CNTNAP2: variants seen among roughly 807,000 people sequenced by gnomAD.
CNTNAP2 encodes contactin-associated protein-like 2.
In CNTNAP2, 98 loss-of-function variants were observed where a neutral mutation model predicts 155.2. That is an observed-to-expected ratio of 0.63 (90% confidence interval 0.54 to 0.75). The LOEUF is 0.75. Among genes scored for constraint, CNTNAP2 ranks in the 30% least tolerant of loss-of-function variants. The probability of loss-of-function intolerance (pLI) is 0.00; values close to 1 mark genes in which losing one functional copy is unlikely to be tolerated. For missense variants in CNTNAP2, 1,727 were observed against 1,688.1 expected, an observed-to-expected ratio of 1.02 and a Z score of -0.40; for synonymous variants, 651 against 631.2, an observed-to-expected ratio of 1.03 and a Z score of -0.47.
intron 1 of CNTNAP2, among the ~76,000 whole-genome samples, chr7:146,732,050 T>C (rs1174573091): frequency 6.6e-6 from 1 of 152,144 alleles, no homozygotes; most frequent in Non-Finnish European, 1.5e-5. Context: ...GAGGAATTAA[T>C]CTGTAGATTC....
At chr7:148,022,570 G>T (rs919013784) in intron 15 of CNTNAP2, among the ~76,000 whole-genome samples, 1 of 152,290 alleles carries the variant, frequency 6.6e-6, no homozygotes, top group East Asian at 1.9e-4. Context: ...CCATGGCTAT[G>T]GGAGTACCCG....
chr7:146,232,687 C>G (rs1799405873), intron 1 of CNTNAP2, among the ~76,000 whole-genome samples: 2 of 152,118 alleles, frequency 1.3e-5, no homozygotes, highest in Admixed American at 6.5e-5. Context: ...TCTAATAACC[C>G]TATACACTTA....
At position 147,686,979 on chromosome 7, in the gene CNTNAP2, T is replaced by C. The variant is rs1189097843; in HGVS notation, c.2098+47673T>C. Among the ~76,000 whole-genome samples, 13 of 152,120 alleles carry C rather than the reference T, an allele frequency of 8.5e-5. No homozygotes were observed. The South Asian group carries it at 2.1e-3, about 24-fold the overall frequency. On this transcript the variant is annotated intron_variant, in intron 13 of 23. Transcript: ENST00000361727. ...GAAGGGTGACTACAGTTAACATTTA[T>C]CTATTGTATATTTCAAAATAGGTAG...
intron 2 of CNTNAP2, among the ~76,000 whole-genome samples, chr7:146,838,908 C>T (rs1292304261): frequency 6.6e-6 from 1 of 152,146 alleles, no homozygotes; most frequent in Non-Finnish European, 1.5e-5. Flanking sequence ...CCTCTTAGCA[C>T]TAACATTATG....
intron 21 of CNTNAP2, among the ~76,000 whole-genome samples, chr7:148,296,845 C>A (rs780383014): frequency 6.6e-5 from 10 of 152,138 alleles, no homozygotes; most frequent in Admixed American, 1.3e-4. Flanking sequence ...CGAAAAAGTT[C>A]TTCTAAGGGT....
intron 20 of CNTNAP2, among the ~76,000 whole-genome samples, chr7:148,231,356 C>CAAG (rs1346093955): frequency 1.3e-5 from 2 of 152,022 alleles, no homozygotes; most frequent in Non-Finnish European, 2.9e-5. Context: ...TTCTATTGCC[C>CAAG]AAGACTATTT....
chr7:148,116,339 C>T (rs1175900502), intron 15 of CNTNAP2, among the ~76,000 whole-genome samples: 1 of 152,148 alleles, frequency 6.6e-6, no homozygotes, highest in Admixed American at 6.5e-5. Flanking sequence ...AAGCCAAATC[C>T]TCTTCAATGT....
chr7:147,994,066 G>T (rs922387300), intron 15 of CNTNAP2, among the ~76,000 whole-genome samples: 1 of 152,008 alleles, frequency 6.6e-6, no homozygotes, highest in African/African-American at 2.4e-5. Flanking sequence ...ACACATGCAG[G>T]TATGCTTAGA....
At chr7:146,169,057 A>C (rs779103790) in intron 1 of CNTNAP2, among the ~76,000 whole-genome samples, 1 of 152,104 alleles carries the variant, frequency 6.6e-6, no homozygotes, top group Non-Finnish European at 1.5e-5. Context: ...TCATCTTCCA[A>C]ATATCCTCAT....
intron 1 of CNTNAP2, among the ~76,000 whole-genome samples, chr7:146,152,118 G>C (rs1798061329): frequency 6.6e-6 from 1 of 151,914 alleles, no homozygotes; most frequent in Non-Finnish European, 1.5e-5. Flanking sequence ...CAATCTATGT[G>C]TCCATCAATA....
intron 1 of CNTNAP2, among the ~76,000 whole-genome samples, chr7:146,572,728 A>C (rs1798461781): frequency 6.6e-6 from 1 of 152,016 alleles, no homozygotes; most frequent in Admixed American, 6.5e-5. Flanking sequence ...TATCATAAAA[A>C]AGTAGATAAA....
At chr7:148,206,806 G>A (rs1464438514) in intron 18 of CNTNAP2, among the ~76,000 whole-genome samples, 1 of 152,136 alleles carries the variant, frequency 6.6e-6, no homozygotes, top group Non-Finnish European at 1.5e-5. Flanking sequence ...CTCATGCCTT[G>A]GTGCCTGCTG....
intron 8 of CNTNAP2, among the ~76,000 whole-genome samples, chr7:147,276,746 T>C (rs918843504): frequency 6.6e-6 from 1 of 152,044 alleles, no homozygotes; most frequent in Non-Finnish European, 1.5e-5. Context: ...TTAATGACTA[T>C]GTTAGGTTTT....
rs542225268 is a variant in CNTNAP2 at position 147,559,936 on chromosome 7, C to T, written c.1778-2202C>T. On this transcript the variant is annotated intron_variant, in intron 11 of 23. Coordinates refer to ENST00000361727, the MANE Select transcript of CNTNAP2 (RefSeq NM_014141.6). ...CTATAATCCCAGCACTTTGAGAGGCCGAGGCGCAGATCACCTGAGGTCGGG... is the reference window on the plus strand; with the variant it reads ...CTATAATCCCAGCACTTTGAGAGGCTGAGGCGCAGATCACCTGAGGTCGGG... Among the ~76,000 whole-genome samples, 7 of 151,100 alleles carry T rather than the reference C, an allele frequency of 4.6e-5. No homozygotes were observed. The South Asian group carries it at 1.3e-3, about 27-fold the overall frequency.
chr7:148,383,188 C>CTTT (rs34329815), intron 21 of CNTNAP2, among the ~76,000 whole-genome samples: 1,525 of 138,966 alleles, frequency 0.011, 19 homozygotes, highest in Middle Eastern at 0.019. Context: ...AATTCTTGTT[C>CTTT]TTTTTTTTTT....
At chr7:148,073,821 C>T (rs1032721094) in intron 15 of CNTNAP2, among the ~76,000 whole-genome samples, 3 of 151,444 alleles carry the variant, frequency 2.0e-5, no homozygotes, top group Non-Finnish European at 4.4e-5. Context: ...GGGTTCTGAA[C>T]CTGCAACCAA....
At chr7:146,588,750 C>T (rs138424699) in intron 1 of CNTNAP2, among the ~76,000 whole-genome samples, 236 of 152,192 alleles carry the variant, frequency 1.6e-3, no homozygotes, top group African/African-American at 5.2e-3. Flanking sequence ...CTCAAGCTAT[C>T]GGCCGGCCTG....
chr7:147,826,826 T>G (rs1386076491), intron 13 of CNTNAP2, among the ~76,000 whole-genome samples: 1 of 152,210 alleles, frequency 6.6e-6, no homozygotes, highest in Non-Finnish European at 1.5e-5. Context: ...ACAGTAAAAT[T>G]TAATGAATTC....
chr7:148,405,110 C>T lies in CNTNAP2; in HGVS notation c.3716-4281C>T, dbSNP rs566661517. ...CTCAGGTTTGTGTGTGGAACCCTTG[C>T]CAGGGACTCCACCCTCTTCTACCCA... is the stretch of plus-strand genomic sequence containing the variant. On this transcript the variant is annotated intron_variant, in intron 22 of 23. Transcript: ENST00000361727. Among the ~76,000 whole-genome samples the T allele has an allele frequency of 8.1e-4, 123 of 152,162 alleles. 1 individual carries two copies. Among genetic ancestry groups the T allele is most frequent in the African/African-American group, 2.8e-3 (116 of 41,502 alleles).
Sources: gnomAD v4.1 joint callset for allele counts (sites outside exome capture counted in the v4.1 genomes callset) on GRCh38, gnomAD v4.1.1 for gene constraint, MANE v1.5 for transcripts, NCBI Gene and HGNC (gene_info 2026-07-23, HGNC 2026-07-21) for gene names.